Variants in MEMO1 observed in about 807,000 individuals in gnomAD.
MEMO1 encodes the protein mediator of cell motility 1.
A neutral mutation model predicts 45.2 loss-of-function variants in MEMO1; 6 were observed. The ratio of observed to expected loss-of-function variants is 0.13; its 90% CI spans 0.07 to 0.26. MEMO1 has a LOEUF of 0.26. MEMO1 is among the 10% of genes least tolerant of loss of function. The pLI, the probability that MEMO1 is intolerant of heterozygous loss-of-function variation, is 1.00. For synonymous variants in MEMO1, 78 were observed against 124.3 expected, an observed-to-expected ratio of 0.63 and a Z score of 2.48; for missense variants, 184 against 370.5, an observed-to-expected ratio of 0.50 and a Z score of 4.13.
chr2:32,000,233 AT>A (rs753896973), intron 2 of MEMO1, among the ~76,000 whole-genome samples: 240 of 139,162 alleles, frequency 1.7e-3, no homozygotes, highest in African/African-American at 1.6e-3. Context: ...CTTTTTACTT[AT>A]TTTTTTTTTT....
chr2:31,991,505 A>T (rs745433000), intron 2 of MEMO1, among the ~76,000 whole-genome samples: 2 of 148,396 alleles, frequency 1.3e-5, no homozygotes, highest in African/African-American at 5.0e-5. Flanking sequence ...TGGGAGGTGG[A>T]GGTTGCAGTG....
chr2:31,985,886 T>C (rs943762076), intron 2 of MEMO1, among the ~76,000 whole-genome samples: 2 of 152,160 alleles, frequency 1.3e-5, no homozygotes, highest in Non-Finnish European at 2.9e-5. Context: ...CCCAACACTT[T>C]GGGAGGCCAA....
intron 2 of MEMO1, among the ~76,000 whole-genome samples, chr2:31,960,334 C>T (rs1258913205): frequency 2.0e-5 from 3 of 152,076 alleles, no homozygotes; most frequent in African/African-American, 2.4e-5. Flanking sequence ...AAAATACTAG[C>T]ATTTGGTGTT....
At chr2:31,952,884 A>T (rs1269811951) in intron 2 of MEMO1, among the ~76,000 whole-genome samples, 6 of 152,194 alleles carry the variant, frequency 3.9e-5, no homozygotes, top group Non-Finnish European at 5.9e-5. Context: ...TTTACATAAC[A>T]TTCTAATATA....
chr2:31,897,026 T>G (rs1254987241), intron 6 of MEMO1, among the ~76,000 whole-genome samples: 1 of 152,212 alleles, frequency 6.6e-6, no homozygotes, highest in East Asian at 1.9e-4. Context: ...GCTGTTTGTC[T>G]ACTATTGGTG....
At chr2:31,903,990 T>C (rs558336743) in intron 6 of MEMO1, among the ~76,000 whole-genome samples, 191 of 152,280 alleles carry the variant, frequency 1.3e-3, no homozygotes, top group African/African-American at 4.4e-3. Context: ...AAGACCTTCA[T>C]TGAGGCCACA....
At chr2:31,894,845 G>A (rs917171208) in intron 6 of MEMO1, among the ~76,000 whole-genome samples, 1 of 152,104 alleles carries the variant, frequency 6.6e-6, no homozygotes, top group Admixed American at 6.5e-5. Flanking sequence ...ATGCTGCCCA[G>A]GCTAGCTTCA....
At chr2:31,977,959 T>C (rs1670197919) in intron 2 of MEMO1, among the ~76,000 whole-genome samples, 1 of 152,204 alleles carries the variant, frequency 6.6e-6, no homozygotes. Context: ...TTAAAACTTA[T>C]GCTTTATTAA....
chr2:31,868,264 T>A lies in MEMO1; in HGVS notation c.*97A>T, dbSNP rs1259749562. 2 of 1,255,836 alleles carry A rather than the reference T, an allele frequency of 1.6e-6. No individual in the cohort carries two copies. The highest frequency in any genetic ancestry group is 3.1e-5 in the African/African-American group (2 of 64,334). The allele number at this position is 1,255,836 out of a possible 1,614,324, so 77.8% of individuals were successfully genotyped here. ...GTTCTATTAGTTTGAGGTTTCAGAA[T>A]CCCCCCAAACCAGGACCAGTATCGT... On this transcript the variant is annotated 3_prime_UTR_variant, in exon 10 of 10. Transcript: ENST00000404530.
At chr2:31,953,111 G>A (rs1667017091) in intron 2 of MEMO1, among the ~76,000 whole-genome samples, 1 of 152,104 alleles carries the variant, frequency 6.6e-6, no homozygotes, top group Admixed American at 6.6e-5. Flanking sequence ...TCTCACACCT[G>A]TAATCCCAGC....
At chr2:31,920,519 A>G (rs1044294821) in intron 5 of MEMO1, among the ~76,000 whole-genome samples, 2 of 152,148 alleles carry the variant, frequency 1.3e-5, no homozygotes, top group Non-Finnish European at 2.9e-5. Context: ...GTCTCCTGGT[A>G]CACTGAGTAC....
intron 2 of MEMO1, among the ~76,000 whole-genome samples, chr2:31,970,222 G>T (rs369310613): frequency 6.6e-6 from 1 of 152,010 alleles, no homozygotes; most frequent in African/African-American, 2.4e-5. Context: ...CCGCCACCTC[G>T]GCCTCCCAAA....
chr2:31,979,975 T>C (rs563009180), intron 2 of MEMO1, among the ~76,000 whole-genome samples: 2 of 148,330 alleles, frequency 1.3e-5, no homozygotes, highest in East Asian at 3.9e-4. Flanking sequence ...ATAGATAGAC[T>C]ATATCCAAGT....
At chr2:31,949,315 G>C (rs557248634) in intron 2 of MEMO1, among the ~76,000 whole-genome samples, 2 of 152,132 alleles carry the variant, frequency 1.3e-5, no homozygotes, top group African/African-American at 4.8e-5. Context: ...GCACTCCTAT[G>C]GTTGTTGCAG....
At chr2:31,897,915 G>A (rs773215023) in intron 6 of MEMO1, among the ~76,000 whole-genome samples, 2 of 151,870 alleles carry the variant, frequency 1.3e-5, no homozygotes, top group Admixed American at 6.6e-5. Flanking sequence ...TCTTTTCAGG[G>A]ATTTGACTTC....
chr2:31,980,001 T>A (rs1411208358), intron 2 of MEMO1, among the ~76,000 whole-genome samples: 2 of 147,948 alleles, frequency 1.4e-5, no homozygotes, highest in Non-Finnish European at 3.0e-5. Context: ...TCAGAAACTG[T>A]CTTAATTTAA....
intron 5 of MEMO1, 67 bp from the exon 6 acceptor site, chr2:31,918,104 C>T (rs1440173857): frequency 1.7e-5 from 17 of 1,019,332 alleles, no homozygotes; most frequent in Non-Finnish European, 2.3e-5. Flanking sequence ...TGAGATTCCA[C>T]CCAGTAACAC....
chr2:31,933,113 G>A (rs1282511027), intron 3 of MEMO1, among the ~76,000 whole-genome samples: 6 of 150,878 alleles, frequency 4.0e-5, no homozygotes, highest in African/African-American at 1.2e-4. Context: ...CTGAATGGAA[G>A]AAAGTCAAAC....
chr2:31,969,374 T>C (rs578223165), intron 2 of MEMO1, among the ~76,000 whole-genome samples: 6 of 150,696 alleles, frequency 4.0e-5, no homozygotes, highest in African/African-American at 1.5e-4. Flanking sequence ...TGTATATATA[T>C]ACACATGTGT....
Sources: allele counts gnomAD v4.1 joint callset (sites outside exome capture counted in the v4.1 genomes callset), GRCh38; gene constraint gnomAD v4.1.1; transcripts MANE v1.5; gene names NCBI Gene and HGNC (gene_info 2026-07-23, HGNC 2026-07-21).